KDM6A: variants seen among roughly 807,000 people sequenced by gnomAD.
The protein encoded by KDM6A is lysine demethylase 6A, also known as lysine-specific demethylase 6A.
KDM6A carries 11 observed loss-of-function variants against 117.6 expected under a neutral mutation model. The ratio of observed to expected loss-of-function variants is 0.09; its 90% CI spans 0.06 to 0.15. The LOEUF is 0.15. Among genes scored for constraint, KDM6A ranks in the 10% least tolerant of loss-of-function variants. KDM6A has a pLI of 1.00. For synonymous variants in KDM6A, 384 were observed against 396.1 expected (o/e 0.97, Z 0.36); for missense variants, 799 against 1,077.3 (o/e 0.74, Z 3.62).
At chrX:45,035,176 AATAG>A (rs1017730662) in intron 7 of KDM6A, among the ~76,000 whole-genome samples, 191 bp downstream of exon 7, 17 of 112,366 alleles carry the variant, frequency 1.5e-4, no homozygotes, top group Non-Finnish European at 2.8e-4. Context: ...CTGTGTCTAA[AATAG>A]ATAGGCCAGT....
At chrX:45,105,951 T>TA (rs1208650616) in intron 27 of KDM6A, among the ~76,000 whole-genome samples, 1 of 111,931 alleles carries the variant, frequency 8.9e-6, no homozygotes, top group Non-Finnish European at 1.9e-5. Context: ...CCTTGCTCCT[T>TA]ATGCGAAGCT....
chrX:45,083,734 CTT>C, intron 24 of KDM6A, 126 bp downstream of exon 24: 1 of 585,136 alleles, frequency 1.7e-6, no homozygotes, highest in Non-Finnish European at 2.7e-6. Flanking sequence ...TGTTATAAGA[CTT>C]TTTAACTGGG....
chrX:45,045,026 G>A (rs2043466424), intron 8 of KDM6A, among the ~76,000 whole-genome samples: 2 of 111,191 alleles, frequency 1.8e-5, no homozygotes, highest in African/African-American at 6.5e-5. Flanking sequence ...AAAAATTCCA[G>A]CTGATACATA....
intron 2 of KDM6A, among the ~76,000 whole-genome samples, chrX:44,921,390 G>A (rs781752875): frequency 2.7e-5 from 3 of 111,411 alleles, no homozygotes; most frequent in Middle Eastern, 4.6e-3. Context: ...TTATTTGTGC[G>A]TGTTTGTATG....
intron 8 of KDM6A, among the ~76,000 whole-genome samples, chrX:45,047,177 A>T (rs2043574757): frequency 9.2e-6 from 1 of 109,010 alleles, no homozygotes; most frequent in African/African-American, 3.3e-5. Flanking sequence ...ATGTGCTCAG[A>T]TATTTTTTTT....
chrX:45,090,106 G>A (rs1478095528), intron 26 of KDM6A, among the ~76,000 whole-genome samples, 176 bp downstream of exon 26: 3 of 111,813 alleles, frequency 2.7e-5, no homozygotes, highest in Non-Finnish European at 5.6e-5. Flanking sequence ...AGAAATCTAA[G>A]AGCATAGATG....
At chrX:45,056,556 A>G (rs1231337864) in intron 10 of KDM6A, among the ~76,000 whole-genome samples, 2 of 112,163 alleles carry the variant, frequency 1.8e-5, no homozygotes, top group Non-Finnish European at 3.8e-5. Context: ...GGGACCAGGG[A>G]GGTCATCTAG....
intron 27 of KDM6A, among the ~76,000 whole-genome samples, chrX:45,097,511 T>C (rs1013786700): frequency 9.0e-6 from 1 of 111,333 alleles, no homozygotes; most frequent in Non-Finnish European, 1.9e-5. Context: ...GCTAAGTGAA[T>C]ACCGTAAGTA....
intron 4 of KDM6A, 28 bp from the exon 5 acceptor site, chrX:45,010,933 C>G (rs1249343399): frequency 4.4e-6 from 5 of 1,125,933 alleles, no homozygotes; most frequent in Non-Finnish European, 6.1e-6. Context: ...AGTATTTTTC[C>G]TAAAAATCTT....
intron 4 of KDM6A, among the ~76,000 whole-genome samples, chrX:45,001,253 C>CT (rs1246012182): frequency 3.6e-5 from 4 of 111,628 alleles, no homozygotes; most frequent in Non-Finnish European, 7.5e-5. Flanking sequence ...AGGGGAAGAA[C>CT]TTTGAGCGTT....
At chrX:44,920,443 ATT>A (rs770955066) in intron 2 of KDM6A, among the ~76,000 whole-genome samples, 2 of 101,583 alleles carry the variant, frequency 2.0e-5, no homozygotes, top group African/African-American at 3.5e-5. Context: ...CTTTTATTTT[ATT>A]TTTTTTTTTT....
At chrX:44,883,029 T>C (rs2032458693) in intron 2 of KDM6A, among the ~76,000 whole-genome samples, 1 of 110,771 alleles carries the variant, frequency 9.0e-6, no homozygotes, top group African/African-American at 3.3e-5. Context: ...AATGAACTCC[T>C]GTTTTCAACG....
At chrX:44,887,840 A>G (rs2033016115) in intron 2 of KDM6A, among the ~76,000 whole-genome samples, 1 of 111,025 alleles carries the variant, frequency 9.0e-6, no homozygotes, top group African/African-American at 3.3e-5. Flanking sequence ...CCTGGTCTCT[A>G]GAAATTTTTA....
chrX:44,977,429 G>GT (rs202089775), intron 4 of KDM6A, among the ~76,000 whole-genome samples: 1,315 of 105,982 alleles, frequency 0.012, 20 homozygotes, highest in African/African-American at 0.041. Context: ...TAATTTTTAA[G>GT]TTTTTTTTTT....
chrX:44,926,777 A>G (rs2036327858), intron 2 of KDM6A, among the ~76,000 whole-genome samples: 2 of 111,395 alleles, frequency 1.8e-5, no homozygotes, highest in Non-Finnish European at 3.8e-5. Context: ...TTGTTCTCCT[A>G]CCACCTGTGT....
intron 4 of KDM6A, among the ~76,000 whole-genome samples, chrX:44,997,823 G>A (rs755702426): frequency 2.0e-4 from 23 of 112,265 alleles, no homozygotes; most frequent in African/African-American, 6.5e-4. Context: ...ACAGGAATTT[G>A]CCCGATTAAG....
At chrX:44,926,219 C>T (rs942569704) in intron 2 of KDM6A, among the ~76,000 whole-genome samples, 6 of 110,034 alleles carry the variant, frequency 5.5e-5, no homozygotes, top group South Asian at 3.9e-4. Flanking sequence ...TACAGGCTCA[C>T]GTGCTACCAT....
intron 2 of KDM6A, among the ~76,000 whole-genome samples, chrX:44,952,340 C>T (rs1399930457): frequency 3.9e-5 from 4 of 103,844 alleles, no homozygotes; most frequent in African/African-American, 1.1e-4. Context: ...GGCGCGATCT[C>T]GGCTCACTGG....
chrX:45,033,801 C>T (rs1163883481), intron 6 of KDM6A, among the ~76,000 whole-genome samples: 2 of 110,687 alleles, frequency 1.8e-5, no homozygotes, highest in Non-Finnish European at 3.8e-5. Flanking sequence ...GATCCACCCA[C>T]CTAGAACTCC....
Sources: gnomAD v4.1 joint callset for allele counts (sites outside exome capture counted in the v4.1 genomes callset) on GRCh38, gnomAD v4.1.1 for gene constraint, MANE v1.5 for transcripts, NCBI Gene and HGNC (gene_info 2026-07-23, HGNC 2026-07-21) for gene names.